The following CUBN variants were observed in gnomAD, a reference collection of about 807,000 sequenced individuals.
The protein encoded by CUBN is cubilin.
CUBN carries 282 observed loss-of-function variants against 405.3 expected under a neutral mutation model. The observed-to-expected ratio is 0.70, with a 90% CI of 0.63 to 0.77. The LOEUF (loss-of-function observed/expected upper bound fraction) is 0.77. CUBN is among the 30% of genes least tolerant of loss of function. The pLI is 0.00. For missense variants in CUBN, 4,514 were observed against 4,475.2 expected (o/e 1.01, Z -0.25); for synonymous variants, 1,684 against 1,617.0 (o/e 1.04, Z -0.99).
rs386833777 is a variant in CUBN at position 17,071,435 on chromosome 10, ATC to A, written c.2614_2615del (p.Asp872LeufsTer3). ...EIGSSAHCET[D>X]YVEIGSSSIL... Reference sequence around the variant, plus strand: ...ATTTTTTCCCTCTTACCTCAACATAATCTGTTTCACAGTGGGCAGAACTTCCA... The same window carrying A: ...ATTTTTTCCCTCTTACCTCAACATAATGTTTCACAGTGGGCAGAACTTCCA... On this transcript the variant is annotated frameshift_variant, in exon 19 of 67. Transcript: ENST00000377833. LOFTEE classifies it high-confidence loss of function. 13 of 1,613,818 alleles carry A rather than the reference ATC, an allele frequency of 8.1e-6. No individual in the cohort carries two copies. The highest frequency in any genetic ancestry group is 2.5e-6 in the Non-Finnish European group (3 of 1,179,864).
intron 62 of CUBN, among the ~76,000 whole-genome samples, chr10:16,837,815 A>T (rs968373599): frequency 3.3e-5 from 5 of 152,084 alleles, no homozygotes; most frequent in African/African-American, 1.2e-4. Flanking sequence ...TGTTTCCTGT[A>T]TTCATTCAGT....
chr10:17,063,830 A>T (rs1835554303), intron 22 of CUBN, among the ~76,000 whole-genome samples: 1 of 152,232 alleles, frequency 6.6e-6, no homozygotes, highest in Non-Finnish European at 1.5e-5. Context: ...ATGTTCATAG[A>T]TGATTAAAGC....
intron 57 of CUBN, 29 bp from the exon 58 acceptor site, chr10:16,874,532 A>G: frequency 3.1e-6 from 5 of 1,613,882 alleles, no homozygotes; most frequent in Non-Finnish European, 4.2e-6. Flanking sequence ...GAATATGAAG[A>G]GAACAACGAT....
chr10:17,016,779 C>A (rs1216142371), intron 28 of CUBN, among the ~76,000 whole-genome samples: 2 of 151,992 alleles, frequency 1.3e-5, no homozygotes, highest in East Asian at 3.9e-4. Flanking sequence ...GGGAGCGGAG[C>A]TATAGGGAGG....
At chr10:17,027,396 G>C (rs1834696317) in intron 27 of CUBN, among the ~76,000 whole-genome samples, 1 of 152,140 alleles carries the variant, frequency 6.6e-6, no homozygotes. Flanking sequence ...TTATGGGTTA[G>C]TATGTACTGA....
At chr10:17,045,737 G>C (rs1350468316) in intron 24 of CUBN, among the ~76,000 whole-genome samples, 197 bp downstream of exon 24, 1 of 152,080 alleles carries the variant, frequency 6.6e-6, no homozygotes, top group African/African-American at 2.4e-5. Context: ...CTTATTTATT[G>C]ATAAAAAGAA....
chr10:17,045,227 C>G (rs751707580), intron 24 of CUBN, 39 bp from the exon 25 acceptor site: 1 of 1,596,520 alleles, frequency 6.3e-7, no homozygotes. Flanking sequence ...CACCCCTTTC[C>G]TTCTGGGGAA....
intron 28 of CUBN, among the ~76,000 whole-genome samples, chr10:17,012,660 T>A (rs1015374391): frequency 6.6e-6 from 1 of 152,250 alleles, no homozygotes; most frequent in African/African-American, 2.4e-5. Flanking sequence ...AATTTTTCTT[T>A]GCTATTAATA....
At chr10:16,857,371 T>A (rs113218466) in intron 59 of CUBN, among the ~76,000 whole-genome samples, 44 of 152,330 alleles carry the variant, frequency 2.9e-4, no homozygotes, top group African/African-American at 9.6e-4. Context: ...AGCAAGCTAA[T>A]CAGTAGCTGT....
intron 4 of CUBN, among the ~76,000 whole-genome samples, chr10:17,124,724 A>G (rs368241056): frequency 9.2e-5 from 14 of 152,188 alleles, no homozygotes; most frequent in Admixed American, 3.3e-4. Context: ...CACCGCGCCC[A>G]GCCAGAGAAA....
chr10:17,103,898 C>T (rs12780359), intron 12 of CUBN, among the ~76,000 whole-genome samples: 20,560 of 151,894 alleles, frequency 0.14, 1,708 homozygotes, highest in Middle Eastern at 0.31. Context: ...ACATGGGGTC[C>T]GGTGACGAAA....
chr10:16,913,376 G>A (rs796793170), intron 48 of CUBN, among the ~76,000 whole-genome samples: 7 of 152,274 alleles, frequency 4.6e-5, no homozygotes, highest in African/African-American at 1.7e-4. Context: ...GTGACATGGA[G>A]GTCACGTAGC....
At chr10:17,084,812 C>T (rs1836068372) in intron 16 of CUBN, among the ~76,000 whole-genome samples, 1 of 152,046 alleles carries the variant, frequency 6.6e-6, no homozygotes, top group Non-Finnish European at 1.5e-5. Context: ...TAACTGTATA[C>T]ATGAAGCAGA....
At chr10:16,900,136 C>A (rs959918418) in intron 53 of CUBN, among the ~76,000 whole-genome samples, 4 of 152,156 alleles carry the variant, frequency 2.6e-5, no homozygotes, top group African/African-American at 9.7e-5. Flanking sequence ...CAACAGTTTC[C>A]CATTGTTCAA....
At chr10:16,849,661 T>C (rs927797741) in intron 60 of CUBN, among the ~76,000 whole-genome samples, 1 of 152,214 alleles carries the variant, frequency 6.6e-6, no homozygotes, top group Non-Finnish European at 1.5e-5. Flanking sequence ...CTAAAGTTTA[T>C]TGCAATCCTA....
intron 27 of CUBN, among the ~76,000 whole-genome samples, chr10:17,027,017 G>C (rs1023843543): frequency 2.6e-5 from 4 of 152,214 alleles, no homozygotes; most frequent in African/African-American, 9.6e-5. Flanking sequence ...GTTACTTGGT[G>C]TCACCCTGAG....
At chr10:17,016,589 T>C (rs942667933) in intron 28 of CUBN, among the ~76,000 whole-genome samples, 2 of 152,176 alleles carry the variant, frequency 1.3e-5, no homozygotes, top group African/African-American at 4.8e-5. Context: ...CAGGTCTGCG[T>C]TGATCTGCTT....
chr10:17,003,305 C>A (rs1588570640), intron 28 of CUBN, among the ~76,000 whole-genome samples: 1 of 152,214 alleles, frequency 6.6e-6, no homozygotes, highest in South Asian at 2.1e-4. Context: ...ACTGTGAAAG[C>A]AATTCCATTA....
At chr10:17,089,754 G>C (rs7904579) in intron 14 of CUBN, among the ~76,000 whole-genome samples, 90,766 of 151,952 alleles carry the variant, frequency 0.6, 27,467 homozygotes, top group South Asian at 0.75. Context: ...GAAAGATATC[G>C]CAAAGGTACA....
Sources: allele counts gnomAD v4.1 joint callset (sites outside exome capture counted in the v4.1 genomes callset), GRCh38; gene constraint gnomAD v4.1.1; transcripts MANE v1.5; gene names NCBI Gene and HGNC (gene_info 2026-07-23, HGNC 2026-07-21).